SYNE1: variants seen among roughly 807,000 people sequenced by gnomAD.
SYNE1 encodes nesprin-1.
A neutral mutation model predicts 1,111.0 loss-of-function variants in SYNE1; 616 were observed. That is an observed-to-expected ratio of 0.55 (90% confidence interval 0.52 to 0.59). The LOEUF is 0.59. SYNE1 is among the 20% of genes least tolerant of loss of function. The pLI is 0.00. For synonymous variants in SYNE1, 3,855 were observed against 3,825.8 expected (o/e 1.01, Z -0.28); for missense variants, 10,006 against 10,417.0 (o/e 0.96, Z 1.72).
intron 45 of SYNE1, 104 bp downstream of exon 45, chr6:152,406,910 A>G (rs2097910020): frequency 1.2e-6 from 1 of 834,456 alleles, no homozygotes. Context: ...AATAAAAAAT[A>G]AAAGTTAAAA....
Position 152,350,157 on chromosome 6 carries a change from G to A in SYNE1, c.11901+11C>T, listed in dbSNP as rs1393955828. 5 of 1,612,622 alleles carry A rather than the reference G, an allele frequency of 3.1e-6. 1 individual carries two copies. Among genetic ancestry groups the A allele is most frequent in the South Asian group, 2.2e-5 (2 of 91,016 alleles). ...CCATCCCAAAGGCAGCCCTTTAAAG[G>A]TCAGGGGTACCTTGTGGTGGGCCAA... On this transcript the variant is annotated intron_variant, in intron 72 of 145. Coordinates refer to ENST00000367255, the MANE Select transcript of SYNE1 (RefSeq NM_182961.4).
chr6:152,329,981 T>C lies in SYNE1; in HGVS notation c.14704A>G (p.Arg4902Gly). 1 of 1,614,184 alleles carries C rather than the reference T, an allele frequency of 6.2e-7. No homozygotes were observed. The highest frequency in any genetic ancestry group is 8.5e-7 in the Non-Finnish European group (1 of 1,180,042). ...EMSRSLDWLR[R>G]VKAELSGPVY... ...GGCCCACTGAGCTCTGCCTTCACTC[T>C]CCTCAGCCAGTCCAGGGAGCGACTC... is the stretch of plus-strand genomic sequence containing the variant. Residue 4902 changes from arginine to glycine, a missense_variant, in exon 78 of 146, where the codon AGA becomes GGA. Arg to Gly is a moderately radical substitution (Grantham distance 125). This residue lies in a region of SYNE1 where 4,955 missense variants were observed against 5,017.2 expected (regional missense o/e 0.99). Transcript: ENST00000367255.
Position 152,135,125 on chromosome 6 carries a change from C to A in SYNE1, c.25767G>T (p.Gln8589His). The change falls in exon 142 of 146, where the codon CAG becomes CAT. Residue 8589 changes from glutamine (Q) to histidine (H), a missense_variant. Around this residue, in one of 7 missense-constraint regions of SYNE1, gnomAD observed 761 missense variants for 795.5 expected, o/e 0.96. Transcript: ENST00000367255. The part of the protein sequence containing the change: ...IDSNLDAEIL[Q>H]DHHKQLMQIK... ...TTACCATAAGCTGTTTGTGATGGTC[C>A]TGAAGTATCTCTGCATCAAGGTTAG... is the stretch of plus-strand genomic sequence containing the variant. 1 of 1,614,054 alleles carries A rather than the reference C, an allele frequency of 6.2e-7. No individual in the cohort carries two copies. The highest frequency in any genetic ancestry group is 8.5e-7 in the Non-Finnish European group (1 of 1,180,002).
intron 6 of SYNE1, chr6:152,511,678 G>T: frequency 2.2e-6 from 3 of 1,390,600 alleles, no homozygotes; most frequent in South Asian, 2.3e-5. Context: ...GGAATAAAGA[G>T]GTAGGTAGTC....
intron 128 of SYNE1, among the ~76,000 whole-genome samples, chr6:152,184,916 C>A (rs2069368204): frequency 6.6e-6 from 1 of 152,032 alleles, no homozygotes; most frequent in South Asian, 2.1e-4. Context: ...TTCAGATGAA[C>A]CCTCAAATTA....
At chr6:152,362,943 C>T (rs1418910011) in intron 63 of SYNE1, among the ~76,000 whole-genome samples, 5 of 151,214 alleles carry the variant, frequency 3.3e-5, no homozygotes, top group Admixed American at 6.6e-5. Context: ...TGCAGTGGCG[C>T]GATCTCGGCT....
chr6:152,354,367 TA>T (rs2154049980), intron 67 of SYNE1, among the ~76,000 whole-genome samples: 2 of 152,332 alleles, frequency 1.3e-5, no homozygotes, highest in East Asian at 3.9e-4. Context: ...ATCAGAACCA[TA>T]AACTTAAATT....
At chr6:152,627,989 TC>T (rs1456105644) in intron 3 of SYNE1, among the ~76,000 whole-genome samples, 2 of 134,968 alleles carry the variant, frequency 1.5e-5, no homozygotes, top group African/African-American at 5.7e-5. Flanking sequence ...AACTCTTAAT[TC>T]CCAACTGGAC....
rs148997223 is a variant in SYNE1, at chr6:152,164,240, C to T, written c.23713G>A (p.Glu7905Lys). The change falls in exon 131 of 146, where the codon GAG becomes AAG. Residue 7905 changes from glutamate to lysine, a missense_variant. Physicochemically the swap from Glu to Lys is moderately conservative, Grantham distance 56 (BLOSUM62 1). This residue lies in a region of SYNE1 where 2,182 missense variants were observed against 2,287.8 expected (regional missense o/e 0.95). Transcript: ENST00000367255. ...ACTATTGGCTTGGCCAGCTCTGACT[C>T]GATGTGAGCGAGCCAGGTCCTCAGG... ...SSLRTWLAHI[E>K]SELAKPIVYD... is the part of the protein sequence containing the mutation. 405 of 1,614,142 alleles carry T rather than the reference C, an allele frequency of 2.5e-4. 1 individual carries two copies. In the African/African-American group the frequency reaches 4.3e-3, roughly 17 times the overall value.
At chr6:152,305,704 C>T (rs753631597) in intron 91 of SYNE1, among the ~76,000 whole-genome samples, 1 of 152,222 alleles carries the variant, frequency 6.6e-6, no homozygotes, top group African/African-American at 2.4e-5. Context: ...CAGAAACCCT[C>T]TTCCCAATTT....
Position 152,152,181 on chromosome 6 carries a change from G to A in SYNE1, c.24130-40C>T, listed in dbSNP as rs373963511. On this transcript the variant is annotated intron_variant, in intron 133 of 145. Coordinates refer to ENST00000367255, the MANE Select transcript of SYNE1 (RefSeq NM_182961.4). ...AAGCATATCAGTGTGAGAAATCAGCGAAGGACTCTCAGTAGTGGCTCCTGG... is the reference window on the plus strand; with the variant it reads ...AAGCATATCAGTGTGAGAAATCAGCAAAGGACTCTCAGTAGTGGCTCCTGG... The A allele has an allele frequency of 2.4e-5, 38 of 1,588,058 alleles. No individual in the cohort carries two copies. The Admixed American group carries it at 3.0e-4, about 13-fold the overall frequency.
chr6:152,566,985 C>CTGTG (rs59526151), intron 3 of SYNE1, among the ~76,000 whole-genome samples: 415 of 146,644 alleles, frequency 2.8e-3, no homozygotes, highest in African/African-American at 7.1e-3. Context: ...TCTTCACATA[C>CTGTG]TGTGTGTGTG....
At chr6:152,533,294 C>T (rs894444250) in intron 4 of SYNE1, among the ~76,000 whole-genome samples, 9 of 151,756 alleles carry the variant, frequency 5.9e-5, no homozygotes, top group Non-Finnish European at 8.8e-5. Context: ...TCCACTTCCT[C>T]GATTATTTAA....
chr6:152,409,018 G>A, intron 44 of SYNE1, 50 bp downstream of exon 44: 1 of 1,573,394 alleles, frequency 6.4e-7, no homozygotes, highest in Non-Finnish European at 8.7e-7. Context: ...AATTTGATTG[G>A]GGAATGTGAA....
intron 32 of SYNE1, 87 bp downstream of exon 32, chr6:152,441,043 A>G: frequency 3.3e-6 from 5 of 1,494,130 alleles, no homozygotes; most frequent in Non-Finnish European, 4.6e-6. Flanking sequence ...TAACAATAAC[A>G]ATTAATAGTA....
chr6:152,369,742 G>T, intron 59 of SYNE1, 128 bp from the exon 60 acceptor site: 1 of 1,095,196 alleles, frequency 9.1e-7, no homozygotes, highest in South Asian at 1.3e-5. Flanking sequence ...CAGCACTTTG[G>T]GTGGCCGAGG....
At chr6:152,373,549 G>T (rs1413392257) in intron 58 of SYNE1, among the ~76,000 whole-genome samples, 2 of 151,934 alleles carry the variant, frequency 1.3e-5, no homozygotes, top group Non-Finnish European at 2.9e-5. Flanking sequence ...CAAAGTGCTG[G>T]GATTACAGGC....
chr6:152,160,882 C>T lies in SYNE1; in HGVS notation c.23790+3281G>A, dbSNP rs2062345783. ...TGGCTTTGCTTTGTTTTACATTTTCCTGGGCACTCATACAGCCCTTATCAT... is the reference window on the plus strand; with the variant it reads ...TGGCTTTGCTTTGTTTTACATTTTCTTGGGCACTCATACAGCCCTTATCAT... On this transcript the variant is annotated intron_variant, in intron 131 of 145. Transcript: ENST00000367255. 2.0e-5 allele frequency among the ~76,000 whole-genome samples: 3 copies of T among 151,950 alleles called. No homozygotes were observed. The South Asian group carries it at 6.2e-4, about 32-fold the overall frequency.
chr6:152,209,910 C>T (rs946885744), intron 124 of SYNE1, among the ~76,000 whole-genome samples: 5 of 152,038 alleles, frequency 3.3e-5, no homozygotes, highest in African/African-American at 9.7e-5. Context: ...CATCTGTCAT[C>T]GCAGAAAATG....
Sources: allele counts gnomAD v4.1 joint callset (sites outside exome capture counted in the v4.1 genomes callset), GRCh38; gene constraint gnomAD v4.1.1; regional missense constraint gnomAD v4.1.1; transcripts MANE v1.5; gene names NCBI Gene and HGNC (gene_info 2026-07-23, HGNC 2026-07-21).